Variants in RARB observed in about 807,000 individuals in gnomAD.
RARB encodes the protein retinoic acid receptor beta, also known as HBV-activated protein.
Under a neutral mutation model 51.9 loss-of-function variants are expected in RARB, and 17 were observed. The observed-to-expected ratio is 0.33, with a 90% confidence interval of 0.22 to 0.49. The LOEUF is 0.49. RARB is among the 20% of genes least tolerant of loss of function. The probability of loss-of-function intolerance (pLI) is 0.99; values close to 1 mark genes in which losing one functional copy is unlikely to be tolerated. For synonymous variants in RARB, 215 were observed against 195.4 expected, an observed-to-expected ratio of 1.10 and a Z score of -0.84; for missense variants, 369 against 550.8, an observed-to-expected ratio of 0.67 and a Z score of 3.30.
intron 2 of RARB, among the ~76,000 whole-genome samples, chr3:24,923,420 T>C (rs1296045994): frequency 1.3e-5 from 2 of 152,174 alleles, no homozygotes; most frequent in African/African-American, 4.8e-5. Flanking sequence ...TAATTAGTGA[T>C]GTACTAAATC....
At chr3:25,352,820 G>A (rs1430142893) in intron 5 of RARB, among the ~76,000 whole-genome samples, 2 of 152,130 alleles carry the variant, frequency 1.3e-5, no homozygotes, top group Non-Finnish European at 2.9e-5. Context: ...TGTATAGTGG[G>A]AAGAACACTG....
intron 5 of RARB, among the ~76,000 whole-genome samples, chr3:25,269,520 A>G (rs1245010117): frequency 7.2e-5 from 11 of 152,170 alleles, no homozygotes. Context: ...TTCAATGTGG[A>G]TACTAACAGG....
chr3:25,214,074 T>G (rs1427953974), intron 5 of RARB, among the ~76,000 whole-genome samples: 1 of 152,250 alleles, frequency 6.6e-6, no homozygotes, highest in African/African-American at 2.4e-5. Flanking sequence ...GCAATACATT[T>G]GATTCATAGT....
At chr3:25,345,752 C>T (rs1205687627) in intron 5 of RARB, among the ~76,000 whole-genome samples, 1 of 151,620 alleles carries the variant, frequency 6.6e-6, no homozygotes, top group African/African-American at 2.4e-5. Context: ...AATCGTTAAT[C>T]CTGTAAAGCT....
At chr3:25,572,429 A>G (rs777690895) in intron 4 of RARB, among the ~76,000 whole-genome samples, 1 of 152,152 alleles carries the variant, frequency 6.6e-6, no homozygotes, top group Non-Finnish European at 1.5e-5. Flanking sequence ...CGTTGCCCTC[A>G]TATTACAGAT....
At position 24,878,684 on chromosome 3, in the gene RARB, C is replaced by G. The variant is rs1703098293; in HGVS notation, c.-380+19932C>G. On this transcript the variant is annotated intron_variant, in intron 2 of 11. Coordinates refer to the RARB transcript ENST00000383772. ...CTAATTGTGATAACCAAAAGTATGC[C>G]CATATATGCCAAATGTGTCTTGGAG... is the stretch of plus-strand genomic sequence containing the variant. Among the ~76,000 whole-genome samples the G allele has an allele frequency of 2.0e-5, 3 of 151,932 alleles. No individual in the cohort carries two copies. The South Asian group carries it at 6.2e-4, about 32-fold the overall frequency.
intron 2 of RARB, among the ~76,000 whole-genome samples, chr3:24,880,198 C>T (rs1305881907): frequency 6.6e-6 from 1 of 151,764 alleles, no homozygotes; most frequent in African/African-American, 2.4e-5. Context: ...TAAATGGCAA[C>T]TGCATTTTTT....
chr3:25,522,263 A>G (rs754464691), intron 3 of RARB, among the ~76,000 whole-genome samples: 1 of 152,086 alleles, frequency 6.6e-6, no homozygotes, highest in Non-Finnish European at 1.5e-5. Flanking sequence ...AAATCCATCA[A>G]AATTGTACTT....
chr3:25,151,276 T>A (rs1450750381), intron 4 of RARB, among the ~76,000 whole-genome samples: 1 of 151,582 alleles, frequency 6.6e-6, no homozygotes, highest in Non-Finnish European at 1.5e-5. Flanking sequence ...CACAATTATT[T>A]GGTTTTGCTG....
intron 2 of RARB, among the ~76,000 whole-genome samples, chr3:25,033,249 A>T (rs1415584596): frequency 6.6e-6 from 1 of 152,216 alleles, no homozygotes; most frequent in Non-Finnish European, 1.5e-5. Flanking sequence ...GCCCACCAGA[A>T]ACTTACAAGC....
intron 2 of RARB, among the ~76,000 whole-genome samples, chr3:24,999,549 G>C (rs144137892): frequency 4.6e-5 from 7 of 152,250 alleles, no homozygotes; most frequent in African/African-American, 1.7e-4. Context: ...TTTAAAGTCA[G>C]TAGTTGATGA....
At position 25,544,693 on chromosome 3, in the gene RARB, C is replaced by T. The variant is rs531232398; in HGVS notation, c.449-25065C>T. Among the ~76,000 whole-genome samples, 8 of 152,126 alleles carry T rather than the reference C, an allele frequency of 5.3e-5. No homozygotes were observed. The South Asian group carries it at 1.5e-3, about 28-fold the overall frequency. Reference sequence around the variant, plus strand: ...TTCCCCCGCCCCCTCCTCAAAATGCCACTTCAGTAATCTACACATTACAGG... The same window carrying T: ...TTCCCCCGCCCCCTCCTCAAAATGCTACTTCAGTAATCTACACATTACAGG... On this transcript the variant is annotated intron_variant, in intron 3 of 7. Transcript: ENST00000330688.
chr3:24,994,876 T>C (rs1696989897), intron 2 of RARB, among the ~76,000 whole-genome samples: 1 of 152,150 alleles, frequency 6.6e-6, no homozygotes, highest in African/African-American at 2.4e-5. Context: ...GCCAGTACAA[T>C]GCTATTTCAG....
chr3:25,029,941 C>T (rs757620928), intron 2 of RARB, among the ~76,000 whole-genome samples: 6 of 152,130 alleles, frequency 3.9e-5, no homozygotes, highest in Non-Finnish European at 7.3e-5. Context: ...TGAGACAGGG[C>T]CACTGAATTT....
intron 5 of RARB, among the ~76,000 whole-genome samples, chr3:25,250,296 C>A (rs1161476508): frequency 1.3e-5 from 2 of 152,138 alleles, no homozygotes; most frequent in African/African-American, 4.8e-5. Context: ...GGTCTATCCT[C>A]AGGCTCCATG....
chr3:24,971,187 C>T (rs753146073), intron 2 of RARB, among the ~76,000 whole-genome samples: 2 of 151,914 alleles, frequency 1.3e-5, no homozygotes, highest in Non-Finnish European at 2.9e-5. Flanking sequence ...TGCCAATTGT[C>T]TCCATGCATT....
chr3:25,274,905 C>T (rs1559340493), intron 5 of RARB, among the ~76,000 whole-genome samples: 1 of 152,014 alleles, frequency 6.6e-6, no homozygotes, highest in East Asian at 1.9e-4. Context: ...AGCTCAACAG[C>T]AATGGGGTAG....
intron 3 of RARB, among the ~76,000 whole-genome samples, chr3:25,103,434 C>T (rs890617685): frequency 3.9e-5 from 6 of 152,190 alleles, no homozygotes; most frequent in African/African-American, 1.4e-4. Context: ...ATGTAACTGC[C>T]TTGCTTTAGA....
chr3:25,448,895 C>T (rs181317049), intron 1 of RARB, among the ~76,000 whole-genome samples: 3 of 152,252 alleles, frequency 2.0e-5, no homozygotes, highest in African/African-American at 4.8e-5. Context: ...CCTCCACCCC[C>T]GCAATCCCCA....
Sources: allele counts gnomAD v4.1 joint callset (sites outside exome capture counted in the v4.1 genomes callset), GRCh38; gene constraint gnomAD v4.1.1; transcripts MANE v1.5; gene names NCBI Gene and HGNC (gene_info 2026-07-23, HGNC 2026-07-21).